Variants in SNAP25 observed in about 807,000 individuals in gnomAD.
SNAP25 encodes the protein synaptosomal-associated protein 25.
In SNAP25, 3 loss-of-function variants were observed where a neutral mutation model predicts 28.7. The ratio of observed to expected loss-of-function variants is 0.10; its 90% CI spans 0.05 to 0.27. The LOEUF (loss-of-function observed/expected upper bound fraction) is 0.27, where lower values mean the gene tolerates loss of function less well. Among genes scored for constraint, SNAP25 ranks in the 10% least tolerant of loss-of-function variants. The pLI, the probability that SNAP25 is intolerant of heterozygous loss-of-function variation, is 1.00. For missense variants in SNAP25, 117 were observed against 278.7 expected (o/e 0.42, Z 4.13); for synonymous variants, 61 against 88.1 (o/e 0.69, Z 1.72).
intron 3 of SNAP25, among the ~76,000 whole-genome samples, chr20:10,278,539 A>G (rs1029871438): frequency 1.3e-5 from 2 of 152,190 alleles, no homozygotes; most frequent in Admixed American, 1.3e-4. Flanking sequence ...ATCTTAACCT[A>G]ATAAGACAAG....
chr20:10,250,504 TTAAAG>T (rs2063206820), intron 1 of SNAP25, among the ~76,000 whole-genome samples: 1 of 152,194 alleles, frequency 6.6e-6, no homozygotes, highest in Non-Finnish European at 1.5e-5. Context: ...GGAAGAAACC[TTAAAG>T]TATTTATCTC....
chr20:10,219,753 G>C (rs1279787464), intron 1 of SNAP25: 3 of 152,260 alleles, frequency 2.0e-5, no homozygotes, highest in African/African-American at 7.2e-5. Context: ...GATGTGCCAG[G>C]GCTGGAGACC....
chr20:10,278,430 A>G (rs1242650140), intron 3 of SNAP25, among the ~76,000 whole-genome samples: 1 of 152,198 alleles, frequency 6.6e-6, no homozygotes, highest in Non-Finnish European at 1.5e-5. Flanking sequence ...ACTCATTCCA[A>G]TTTGGTAGAG....
chr20:10,263,007 C>CCCTT (rs2063443161), intron 1 of SNAP25, among the ~76,000 whole-genome samples: 1 of 77,908 alleles, frequency 1.3e-5, no homozygotes, highest in Non-Finnish European at 2.7e-5. Flanking sequence ...CCCTGGGGTG[C>CCCTT]TCTTTTTTTT....
chr20:10,295,447 T>C (rs1247273998), intron 5 of SNAP25, among the ~76,000 whole-genome samples: 1 of 152,156 alleles, frequency 6.6e-6, no homozygotes, highest in Non-Finnish European at 1.5e-5. Flanking sequence ...TAAATTTAGT[T>C]TGGGGATCTC....
At chr20:10,265,621 G>C (rs1204383108) in intron 1 of SNAP25, among the ~76,000 whole-genome samples, 1 of 152,178 alleles carries the variant, frequency 6.6e-6, no homozygotes, top group Non-Finnish European at 1.5e-5. Flanking sequence ...CCAGTGCAGG[G>C]CACCATTAGG....
chr20:10,219,375 A>G (rs1240569320), intron 1 of SNAP25: 3 of 152,200 alleles, frequency 2.0e-5, no homozygotes, highest in Non-Finnish European at 4.4e-5. Context: ...GCTATTATCC[A>G]GGGAAGAATT....
intron 1 of SNAP25, among the ~76,000 whole-genome samples, chr20:10,251,612 T>C (rs1193076671): frequency 5.3e-5 from 8 of 152,200 alleles, no homozygotes; most frequent in African/African-American, 1.7e-4. Flanking sequence ...AACAAACCTG[T>C]CCTACCTCCA....
At chr20:10,223,742 C>G (rs1055962617) in intron 1 of SNAP25, among the ~76,000 whole-genome samples, 4 of 152,110 alleles carry the variant, frequency 2.6e-5, no homozygotes, top group African/African-American at 9.7e-5. Flanking sequence ...ACTGTGAACT[C>G]CTCAGAATTG....
intron 4 of SNAP25, among the ~76,000 whole-genome samples, chr20:10,290,924 C>G (rs2063983815): frequency 6.6e-6 from 1 of 151,910 alleles, no homozygotes; most frequent in Non-Finnish European, 1.5e-5. Context: ...TTTCCCCACA[C>G]CAGTCCCTCC....
At chr20:10,266,937 G>T (rs2063517216) in intron 1 of SNAP25, among the ~76,000 whole-genome samples, 1 of 152,086 alleles carries the variant, frequency 6.6e-6, no homozygotes, top group African/African-American at 2.4e-5. Flanking sequence ...TAGGTAGTTA[G>T]AGTCAAAGAC....
intron 1 of SNAP25, among the ~76,000 whole-genome samples, chr20:10,261,860 A>C (rs2063419504): frequency 6.6e-6 from 1 of 152,328 alleles, no homozygotes; most frequent in African/African-American, 2.4e-5. Context: ...CTTCACCATA[A>C]GTACTTTTTC....
chr20:10,240,495 A>G (rs891818881), intron 1 of SNAP25, among the ~76,000 whole-genome samples: 9 of 152,282 alleles, frequency 5.9e-5, no homozygotes, highest in Non-Finnish European at 1.0e-4. Context: ...AGGAGATGAT[A>G]AAGAACTTGG....
intron 1 of SNAP25, among the ~76,000 whole-genome samples, chr20:10,272,650 A>G (rs879385299): frequency 9.2e-5 from 14 of 152,318 alleles, no homozygotes; most frequent in East Asian, 3.9e-4. Flanking sequence ...ACATCTCTAC[A>G]TCATCTCACG....
intron 1 of SNAP25, among the ~76,000 whole-genome samples, chr20:10,251,424 A>C (rs1278381361): frequency 6.6e-6 from 1 of 152,216 alleles, no homozygotes; most frequent in Non-Finnish European, 1.5e-5. Flanking sequence ...CCATTTGTTC[A>C]GAATTTTGAA....
intron 1 of SNAP25, among the ~76,000 whole-genome samples, chr20:10,241,581 T>G (rs933968213): frequency 8.6e-5 from 13 of 151,392 alleles, no homozygotes; most frequent in Non-Finnish European, 1.5e-4. Context: ...TGAAATAGGG[T>G]GAGGTGGTCG....
At chr20:10,257,510 C>T (rs1162931029) in intron 1 of SNAP25, among the ~76,000 whole-genome samples, 2 of 152,042 alleles carry the variant, frequency 1.3e-5, no homozygotes, top group African/African-American at 2.4e-5. Context: ...GTTGGGAGTT[C>T]GATACCAGCC....
At position 10,226,218 on chromosome 20, in the gene SNAP25, A is replaced by G. The variant is rs998679610; in HGVS notation, c.-64+7241A>G. 2.4e-4 allele frequency among the ~76,000 whole-genome samples: 36 copies of G among 152,314 alleles called. 2 individuals are homozygous for G. Among genetic ancestry groups the G allele is most frequent in the Admixed American group, 2.2e-3 (33 of 15,300 alleles). ...ATCAATAAACAGAAAATGCACAGAA[A>G]TAAATGCCAGAAAGACTGCTAGGAA... is the stretch of plus-strand genomic sequence containing the variant. On this transcript the variant is annotated intron_variant, in intron 1 of 7. Transcript: ENST00000254976.
intron 4 of SNAP25, among the ~76,000 whole-genome samples, chr20:10,292,313 A>G (rs896241598): frequency 3.3e-5 from 5 of 152,252 alleles, no homozygotes; most frequent in Non-Finnish European, 5.9e-5. Context: ...CGAATTACAT[A>G]TGCACAATCA....
Sources: allele counts gnomAD v4.1 joint callset (sites outside exome capture counted in the v4.1 genomes callset), GRCh38; gene constraint gnomAD v4.1.1; transcripts MANE v1.5; gene names NCBI Gene and HGNC (gene_info 2026-07-23, HGNC 2026-07-21).